DBNL: variants seen among roughly 807,000 people sequenced by gnomAD.
DBNL encodes the protein drebrin-like protein.
A neutral mutation model predicts 62.2 loss-of-function variants in DBNL; 35 were observed. The ratio of observed to expected loss-of-function variants is 0.56; its 90% CI spans 0.43 to 0.75. The LOEUF is 0.75. DBNL is among the 30% of genes least tolerant of loss of function. The probability of loss-of-function intolerance (pLI) is 0.00; values close to 1 mark genes in which losing one functional copy is unlikely to be tolerated. For missense variants in DBNL, 495 were observed against 578.4 expected (o/e 0.86, Z 1.48); for synonymous variants, 197 against 218.0 (o/e 0.90, Z 0.85).
Position 44,059,369 on chromosome 7 carries a change from C to A in DBNL, c.851C>A (p.Pro284His). The change falls in exon 10 of 13, where the codon CCC (proline) becomes CAC (histidine). Residue 284 changes from proline to histidine, a missense_variant. Coordinates refer to ENST00000448521, the MANE Select transcript of DBNL (RefSeq NM_001014436.3). The surrounding 1 kb of genome is among the most constrained non-coding windows in gnomAD (Gnocchi z 4.1). ...SSPQPGKLRS[P>H]FLQKQLTQPE... ...GGGTTTGCAGGCAAGCTGAGGAGCCCCTTCCTGCAGAAGCAGCTCACCCAA... is the reference window on the plus strand; with the variant it reads ...GGGTTTGCAGGCAAGCTGAGGAGCCACTTCCTGCAGAAGCAGCTCACCCAA... 1.2e-6 allele frequency: 2 copies of A among 1,613,994 alleles called. No homozygotes were observed. The highest frequency in any genetic ancestry group is 1.7e-5 in the Admixed American group (1 of 59,998).
chr7:44,065,573 C>T lies in DBNL; in HGVS notation c.*4657C>T. Reference sequence around the variant, plus strand: ...AGAGGACTCTGGACGGGGACGGCTGCTTCCCAACACTCCCAGCTTTATAAT... The same window carrying T: ...AGAGGACTCTGGACGGGGACGGCTGTTTCCCAACACTCCCAGCTTTATAAT... On this transcript the variant is annotated 3_prime_UTR_variant, in exon 13 of 13. Coordinates refer to ENST00000448521, the MANE Select transcript of DBNL (RefSeq NM_001014436.3). 6.4e-7 allele frequency: 1 copy of T among 1,563,890 alleles called. No homozygotes were observed. Among genetic ancestry groups the T allele is most frequent in the Non-Finnish European group, 8.8e-7 (1 of 1,137,092 alleles).
In DBNL at chr7:44,059,767, G is replaced by A; in HGVS notation, c.1047+109G>A. On this transcript the variant is annotated intron_variant, in intron 11 of 12. Transcript: ENST00000448521. This position sits in a 1 kb window ranked among gnomAD's most constrained non-coding sequence, Gnocchi z 4.1. ...GCATGCAACAGGTTTTAAAGCACAT[G>A]CATTTTTGGAGCAGCCCTGTGTTAT... 9.0e-7 allele frequency: 1 copy of A among 1,105,044 alleles called. No homozygotes were observed. The allele number at this position is 1,105,044 out of a possible 1,614,324, so 68.5% of individuals were successfully genotyped here.
rs528204494 is a variant in DBNL, at chr7:44,059,858, G to T, written c.1048-190G>T. Among the ~76,000 whole-genome samples, 3 of 152,178 alleles carry T rather than the reference G, an allele frequency of 2.0e-5. No individual in the cohort carries two copies. Among genetic ancestry groups the T allele is most frequent in the Non-Finnish European group, 4.4e-5 (3 of 68,024 alleles). ...TGGGAAGAGGACCTTGCAGCCTATG[G>T]CTGAGGGATTTATGCACTGTCCTGT... is the stretch of plus-strand genomic sequence containing the variant. On this transcript the variant is annotated intron_variant, in intron 11 of 12. Coordinates refer to ENST00000448521, the MANE Select transcript of DBNL (RefSeq NM_001014436.3). This position sits in a 1 kb window ranked among gnomAD's most constrained non-coding sequence, Gnocchi z 4.1.
At position 44,064,819 on chromosome 7, in the gene DBNL, AAG is replaced by A; in HGVS notation, c.*3904_*3905del. 1.1e-6 allele frequency: 1 copy of A among 920,440 alleles called. No individual in the cohort carries two copies. Among genetic ancestry groups the A allele is most frequent in the South Asian group, 1.3e-5 (1 of 76,616 alleles). The allele number at this position is 920,440 out of a possible 1,614,324, so 57.0% of individuals were successfully genotyped here. A position where few individuals can be genotyped will look rare whatever the true frequency, so the allele number is the denominator to read the frequency against. ...CCCACCCACCCTGCCCAGGCTCCTG[AAG>A]GTGGCCTCACCTTCCAGGTGCTTGA... On this transcript the variant is annotated 3_prime_UTR_variant, in exon 13 of 13. Transcript: ENST00000448521.
rs762177046 is a variant in DBNL at position 44,059,391 on chromosome 7, C to G, written c.873C>G (p.Thr291=). ...GCCCCTTCCTGCAGAAGCAGCTCAC[C>G]CAACCAGAGACCCACTTTGGCAGAG... ...LRSPFLQKQL[T]QPETHFGREP... The change falls in exon 10 of 13, where the codon ACC becomes ACG. Residue 291 remains threonine (T), a synonymous_variant. Coordinates refer to ENST00000448521, the MANE Select transcript of DBNL (RefSeq NM_001014436.3). The surrounding 1 kb of genome is among the most constrained non-coding windows in gnomAD (Gnocchi z 4.1). 6.2e-7 allele frequency: 1 copy of G among 1,614,086 alleles called. No individual in the cohort carries two copies. Among genetic ancestry groups the G allele is most frequent in the South Asian group, 1.1e-5 (1 of 91,080 alleles).
At chr7:44,047,538 T>C (rs1342990027) in intron 1 of DBNL, among the ~76,000 whole-genome samples, 1 of 152,206 alleles carries the variant, frequency 6.6e-6, no homozygotes, top group Non-Finnish European at 1.5e-5. Flanking sequence ...TCTCTAATAG[T>C]ACGTTAGTGT....
At chr7:44,057,682 C>A in intron 5 of DBNL, 100 bp from the exon 6 acceptor site, 1 of 1,314,040 alleles carries the variant, frequency 7.6e-7, no homozygotes. Context: ...TAGCAGCACT[C>A]ACCTGTGCTG....
In DBNL at chr7:44,068,411, C is replaced by G. The variant is rs911891619; in HGVS notation, c.*7495C>G. The G allele has an allele frequency of 1.3e-5, 2 of 152,248 alleles. No homozygotes were observed. Among genetic ancestry groups the G allele is most frequent in the Non-Finnish European group, 2.9e-5 (2 of 68,068 alleles). The allele number at this position is 152,248 out of a possible 1,614,324, so 9.4% of individuals were successfully genotyped here. On this transcript the variant is annotated 3_prime_UTR_variant, in exon 13 of 13. Coordinates refer to ENST00000448521, the MANE Select transcript of DBNL (RefSeq NM_001014436.3). ...CTGCGCACAGGGCTGACCCTAGATGCACATTGCAGGTCCCAGACTGACCGG... is the reference window on the plus strand; with the variant it reads ...CTGCGCACAGGGCTGACCCTAGATGGACATTGCAGGTCCCAGACTGACCGG...
At chr7:44,053,927 T>C (rs376439566) in intron 4 of DBNL, among the ~76,000 whole-genome samples, 5 of 152,046 alleles carry the variant, frequency 3.3e-5, no homozygotes, top group Admixed American at 6.6e-5. Context: ...TTGCCCGCCT[T>C]GGCCTCCCAA....
chr7:44,059,007 C>A lies in DBNL; in HGVS notation c.835+24C>A, dbSNP rs575047764. On this transcript the variant is annotated intron_variant, in intron 9 of 12. Transcript: ENST00000448521. The surrounding 1 kb of genome is among the most constrained non-coding windows in gnomAD (Gnocchi z 4.1). ...TGGTGAGCTCTCCCTTTGGGCCTGGCCATGAGGCAGCAGCAGGCTGAGGGG... is the reference window on the plus strand; with the variant it reads ...TGGTGAGCTCTCCCTTTGGGCCTGGACATGAGGCAGCAGCAGGCTGAGGGG... 7 of 1,612,204 alleles carry A rather than the reference C, an allele frequency of 4.3e-6. No homozygotes were observed. Among genetic ancestry groups the A allele is most frequent in the South Asian group, 3.3e-5 (3 of 90,976 alleles).
rs1489479192 is a variant in DBNL at position 44,044,907 on chromosome 7, G to T, written c.83+87G>T. ...GCGAGCGGGGGACTCGGGGGGAGCG[G>T]GAGCGCGAGCGCGGAGCGGTGCCCA... On this transcript the variant is annotated intron_variant, in intron 1 of 12. Coordinates refer to ENST00000448521, the MANE Select transcript of DBNL (RefSeq NM_001014436.3). 2.3e-6 allele frequency: 3 copies of T among 1,299,260 alleles called. No homozygotes were observed. In the South Asian group the frequency reaches 5.2e-5, roughly 23 times the overall value. The allele number at this position is 1,299,260 out of a possible 1,614,324, so 80.5% of individuals were successfully genotyped here.
At chr7:44,045,608 G>C (rs1478509281) in intron 1 of DBNL, among the ~76,000 whole-genome samples, 1 of 152,240 alleles carries the variant, frequency 6.6e-6, no homozygotes, top group Non-Finnish European at 1.5e-5. Flanking sequence ...TTGGGGAATA[G>C]AAACTGGGCC....
chr7:44,051,767 T>C (rs1368960971), intron 2 of DBNL, 63 bp from the exon 3 acceptor site: 7 of 1,532,444 alleles, frequency 4.6e-6, no homozygotes, highest in Non-Finnish European at 5.4e-6. Context: ...CCCTTCATGG[T>C]GGGACCAGGG....
At chr7:44,056,175 C>A (rs2096135902) in intron 4 of DBNL, among the ~76,000 whole-genome samples, 1 of 152,108 alleles carries the variant, frequency 6.6e-6, no homozygotes, top group Non-Finnish European at 1.5e-5. Context: ...GGAGACCGTC[C>A]TTTCCCCAGT....
At position 44,063,836 on chromosome 7, in the gene DBNL, C is replaced by G. The variant is rs952066712; in HGVS notation, c.*2920C>G. On this transcript the variant is annotated 3_prime_UTR_variant, in exon 13 of 13. Coordinates refer to ENST00000448521, the MANE Select transcript of DBNL (RefSeq NM_001014436.3). ...TCCCTCATATTCACCACCAAAAGTGCGTCCCCTTTCCCCAAACCAGGCTGT... is the reference window on the plus strand; with the variant it reads ...TCCCTCATATTCACCACCAAAAGTGGGTCCCCTTTCCCCAAACCAGGCTGT... The G allele has an allele frequency of 6.6e-6, 1 of 152,388 alleles. No homozygotes were observed. The highest frequency in any genetic ancestry group is 1.5e-5 in the Non-Finnish European group (1 of 68,184). The allele number at this position is 152,388 out of a possible 1,614,324, so 9.4% of individuals were successfully genotyped here.
In DBNL at chr7:44,044,799, C is replaced by A; in HGVS notation, c.62C>A (p.Thr21Asn). The change falls in exon 1 of 13, where the codon ACC (threonine) becomes AAC (asparagine). Residue 21 changes from threonine (T) to asparagine (N), a missense_variant. By Grantham distance (65) the Thr-to-Asn change is moderately conservative. Coordinates refer to ENST00000448521, the MANE Select transcript of DBNL (RefSeq NM_001014436.3). ...CAAGAGGCCTACGTGCGGGTGGTCA[C>A]CGAGAAGTCCCCGACCGACTGGTGG... is the stretch of plus-strand genomic sequence containing the variant. ...ALQEAYVRVV[T>N]EKSPTDWALF... 6.7e-7 allele frequency: 1 copy of A among 1,494,228 alleles called. No individual in the cohort carries two copies. The allele number at this position is 1,494,228 out of a possible 1,614,324, so 92.6% of individuals were successfully genotyped here. A position where few individuals can be genotyped will look rare whatever the true frequency, so the allele number is the denominator to read the frequency against.
rs1031588528 is a variant in DBNL, at chr7:44,061,800, C to G, written c.*884C>G. 3 of 152,452 alleles carry G rather than the reference C, an allele frequency of 2.0e-5. No individual in the cohort carries two copies. Among genetic ancestry groups the G allele is most frequent in the Non-Finnish European group, 2.9e-5 (2 of 68,220 alleles). 9.4% of individuals were successfully genotyped at this position (152,452 alleles called of 1,614,324 possible). A position where few individuals can be genotyped will look rare whatever the true frequency, so the allele number is the denominator to read the frequency against. On this transcript the variant is annotated 3_prime_UTR_variant, in exon 13 of 13. Transcript: ENST00000448521. ...CTCCCATGTGGGAATAGCACCCCAC[C>G]ACCTGCCCAGTGTCTGCCTCTGCTC...
intron 3 of DBNL, among the ~76,000 whole-genome samples, chr7:44,052,296 A>G (rs1389587742): frequency 1.3e-5 from 2 of 151,968 alleles, no homozygotes; most frequent in Non-Finnish European, 1.5e-5. Context: ...GGCCTCCTTG[A>G]TCCCTTGGTG....
At chr7:44,058,817 G>A (rs2096142093) in intron 8 of DBNL, 85 bp from the exon 9 acceptor site, 1 of 1,521,614 alleles carries the variant, frequency 6.6e-7, no homozygotes. Context: ...AGGGGCTACT[G>A]GGCCGACAGC....
Sources: allele counts gnomAD v4.1 joint callset (sites outside exome capture counted in the v4.1 genomes callset), GRCh38; gene constraint gnomAD v4.1.1; non-coding constraint Gnocchi (gnomAD v3.1); transcripts MANE v1.5; gene names NCBI Gene and HGNC (gene_info 2026-07-23, HGNC 2026-07-21).